RIC1: variants seen among roughly 807,000 people sequenced by gnomAD.
The protein encoded by RIC1 is RIC1 partner of RAB6A GEF complex.
Under a neutral mutation model 169.0 loss-of-function variants are expected in RIC1, and 88 were observed. The observed-to-expected ratio is 0.52, with a 90% confidence interval of 0.44 to 0.62. The LOEUF is 0.62. Among genes scored for constraint, RIC1 ranks in the 20% least tolerant of loss-of-function variants. The probability of loss-of-function intolerance (pLI) is 0.00; values close to 1 mark genes in which losing one functional copy is unlikely to be tolerated. For missense variants in RIC1, 1,877 were observed against 1,725.5 expected (o/e 1.09, Z -1.56); for synonymous variants, 790 against 601.5 (o/e 1.31, Z -4.59).
intron 2 of RIC1, among the ~76,000 whole-genome samples, chr9:5,685,694 A>G (rs992023784): frequency 2.0e-5 from 3 of 151,164 alleles, no homozygotes; most frequent in Non-Finnish European, 4.4e-5. Flanking sequence ...CCTAGGCATT[A>G]CCATTCAGGA....
At chr9:5,746,645 A>G (rs917644501) in intron 11 of RIC1, among the ~76,000 whole-genome samples, 1 of 152,176 alleles carries the variant, frequency 6.6e-6, no homozygotes, top group South Asian at 2.1e-4. Context: ...ACTTGCTTTT[A>G]GAAACACCGC....
At position 5,655,142 on chromosome 9, in the gene RIC1, A is replaced by G. The variant is rs1249831834; in HGVS notation, c.145-1441A>G. Among the ~76,000 whole-genome samples the G allele has an allele frequency of 2.0e-5, 3 of 152,062 alleles. No homozygotes were observed. The East Asian group carries it at 5.8e-4, about 29-fold the overall frequency. On this transcript the variant is annotated intron_variant, in intron 1 of 25. Transcript: ENST00000414202. ...TGTTGAAAAGCTGCTGTGAGTGGAG[A>G]CATCCTTCCCTTGTTCCTGATCTTA...
At chr9:5,650,179 G>C (rs768992034) in intron 1 of RIC1, among the ~76,000 whole-genome samples, 11 of 152,208 alleles carry the variant, frequency 7.2e-5, no homozygotes, top group African/African-American at 1.7e-4. Context: ...CTTAGGTGCT[G>C]GTGGTTGCAG....
At chr9:5,768,085 C>T (rs1826919807) in intron 21 of RIC1, among the ~76,000 whole-genome samples, 2 of 152,334 alleles carry the variant, frequency 1.3e-5, no homozygotes, top group African/African-American at 4.8e-5. Context: ...CCAGGCAGTA[C>T]TGCACCAGAG....
At chr9:5,685,299 A>C (rs1211312013) in intron 2 of RIC1, among the ~76,000 whole-genome samples, 1 of 151,112 alleles carries the variant, frequency 6.6e-6, no homozygotes, top group East Asian at 1.9e-4. Flanking sequence ...ATGGAACCAA[A>C]AAAGAGCCCG....
chr9:5,713,793 T>C (rs1823073620), intron 3 of RIC1, 103 bp from the exon 4 acceptor site: 3 of 660,508 alleles, frequency 4.5e-6, no homozygotes, highest in Non-Finnish European at 5.2e-6. Flanking sequence ...GAATACCTGA[T>C]TTGTAAGTTT....
rs1818004518 is a variant in RIC1 at position 5,637,050 on chromosome 9, G to T, written c.144+7597G>T. 2.6e-5 allele frequency among the ~76,000 whole-genome samples: 4 copies of T among 151,908 alleles called. No homozygotes were observed. The South Asian group carries it at 8.3e-4, about 32-fold the overall frequency. On this transcript the variant is annotated intron_variant, in intron 1 of 25. Transcript: ENST00000414202. ...GAGAACACAGTAGGTATATATTTAT[G>T]ATTTTTTTGTTTGTTTGTTTGTTTT...
chr9:5,690,574 T>C (rs1028627987), intron 3 of RIC1, among the ~76,000 whole-genome samples: 2 of 151,778 alleles, frequency 1.3e-5, no homozygotes, highest in Non-Finnish European at 2.9e-5. Context: ...TCTTTTTTTT[T>C]TTTTAATCAA....
chr9:5,666,352 T>G (rs1285115596), intron 2 of RIC1, among the ~76,000 whole-genome samples: 1 of 152,240 alleles, frequency 6.6e-6, no homozygotes, highest in Non-Finnish European at 1.5e-5. Flanking sequence ...TTTATACATC[T>G]CTGTGGTCTG....
At chr9:5,661,888 A>G (rs1819472581) in intron 2 of RIC1, among the ~76,000 whole-genome samples, 1 of 152,128 alleles carries the variant, frequency 6.6e-6, no homozygotes, top group Non-Finnish European at 1.5e-5. Flanking sequence ...CTGGTGAGAG[A>G]GGGCATCCTT....
At chr9:5,758,077 T>C (rs576874006) in intron 17 of RIC1, among the ~76,000 whole-genome samples, 1 of 152,216 alleles carries the variant, frequency 6.6e-6, no homozygotes, top group African/African-American at 2.4e-5. Context: ...GTCATTGTAA[T>C]GATCTAGGTC....
chr9:5,648,195 A>G (rs969908818), intron 1 of RIC1, among the ~76,000 whole-genome samples: 2 of 151,762 alleles, frequency 1.3e-5, no homozygotes, highest in African/African-American at 4.8e-5. Flanking sequence ...TGTTGTTCAG[A>G]CTGGTCTCGA....
At chr9:5,760,106 A>G (rs1826239994) in intron 17 of RIC1, among the ~76,000 whole-genome samples, 1 of 152,214 alleles carries the variant, frequency 6.6e-6, no homozygotes, top group Non-Finnish European at 1.5e-5. Context: ...TTAATACTAA[A>G]GTTTTCAAAA....
At chr9:5,715,888 A>G (rs1823208055) in intron 4 of RIC1, among the ~76,000 whole-genome samples, 1 of 151,368 alleles carries the variant, frequency 6.6e-6, no homozygotes, top group South Asian at 2.1e-4. Flanking sequence ...CAGTGGCACA[A>G]TCACAGCTAA....
chr9:5,675,280 G>A (rs1401567500), intron 2 of RIC1, among the ~76,000 whole-genome samples: 5 of 152,192 alleles, frequency 3.3e-5, no homozygotes, highest in Non-Finnish European at 5.9e-5. Flanking sequence ...GAATGAGCAG[G>A]TAATGGGAAC....
chr9:5,656,117 A>T (rs1819083180), intron 1 of RIC1, among the ~76,000 whole-genome samples: 1 of 152,050 alleles, frequency 6.6e-6, no homozygotes, highest in African/African-American at 2.4e-5. Context: ...TGATCCGCCC[A>T]CCATGGCCTC....
chr9:5,636,350 G>T (rs560871911), intron 1 of RIC1, among the ~76,000 whole-genome samples: 1 of 151,754 alleles, frequency 6.6e-6, no homozygotes, highest in African/African-American at 2.4e-5. Flanking sequence ...ACAAAGTCTC[G>T]CTCTTGTCAC....
chr9:5,700,192 C>T (rs1040277943), intron 3 of RIC1, among the ~76,000 whole-genome samples: 4 of 151,916 alleles, frequency 2.6e-5, no homozygotes, highest in Non-Finnish European at 4.4e-5. Flanking sequence ...TGGGAATGAC[C>T]GACACTTCTT....
At chr9:5,721,432 A>G (rs1180230632) in intron 6 of RIC1, among the ~76,000 whole-genome samples, 1 of 152,010 alleles carries the variant, frequency 6.6e-6, no homozygotes, top group Non-Finnish European at 1.5e-5. Flanking sequence ...TGATTACCAA[A>G]CCCCAGCACA....
Sources: gnomAD v4.1 joint callset for allele counts (sites outside exome capture counted in the v4.1 genomes callset) on GRCh38, gnomAD v4.1.1 for gene constraint, MANE v1.5 for transcripts, NCBI Gene and HGNC (gene_info 2026-07-23, HGNC 2026-07-21) for gene names.